The following GALNT17 variants were observed in gnomAD, a reference collection of about 807,000 sequenced individuals.
GALNT17 encodes the protein UDP-GalNAc:polypeptide N-acetylgalactosaminyltransferase-like 3.
A neutral mutation model predicts 63.7 loss-of-function variants in GALNT17; 29 were observed. The observed-to-expected ratio is 0.46, with a 90% CI of 0.34 to 0.62. The LOEUF (loss-of-function observed/expected upper bound fraction) is 0.62. GALNT17 is among the 20% of genes least tolerant of loss of function. The pLI is 0.01. For missense variants in GALNT17, 603 were observed against 799.6 expected (o/e 0.75, Z 2.97); for synonymous variants, 305 against 318.3 (o/e 0.96, Z 0.45).
chr7:71,229,445 G>A (rs1242749306), intron 1 of GALNT17, among the ~76,000 whole-genome samples: 5 of 152,168 alleles, frequency 3.3e-5, no homozygotes, highest in East Asian at 1.9e-4. Flanking sequence ...TGGCTCTTTC[G>A]TCAGCCTCAG....
chr7:71,494,065 T>C (rs1385964307), intron 5 of GALNT17, among the ~76,000 whole-genome samples: 5 of 152,132 alleles, frequency 3.3e-5, no homozygotes, highest in African/African-American at 1.2e-4. Context: ...AGAGGTTTAA[T>C]TGACTCACAG....
intron 2 of GALNT17, among the ~76,000 whole-genome samples, chr7:71,365,077 T>C (rs2707422): frequency 0.17 from 26,517 of 151,648 alleles, 3,748 homozygotes; most frequent in African/African-American, 0.4. Flanking sequence ...ATTACAGGCC[T>C]GTGCAACACC....
chr7:71,345,832 T>C (rs1340154123), intron 2 of GALNT17, among the ~76,000 whole-genome samples: 1 of 151,882 alleles, frequency 6.6e-6, no homozygotes, highest in Non-Finnish European at 1.5e-5. Flanking sequence ...CCTCTAACAA[T>C]AGATACCCTG....
chr7:71,418,445 C>T (rs144086114), intron 4 of GALNT17, among the ~76,000 whole-genome samples: 5 of 152,312 alleles, frequency 3.3e-5, no homozygotes, highest in South Asian at 2.1e-4. Context: ...CTGCATGGCA[C>T]GTCAGCTGCG....
At chr7:71,264,515 G>A (rs75002295) in intron 1 of GALNT17, among the ~76,000 whole-genome samples, 1,717 of 152,156 alleles carry the variant, frequency 0.011, 16 homozygotes, top group Non-Finnish European at 0.017. Context: ...TGTGTCAGAG[G>A]GATACCTGCA....
At chr7:71,679,485 CTGT>C in intron 9 of GALNT17, among the ~76,000 whole-genome samples, 1 of 152,290 alleles carries the variant, frequency 6.6e-6, no homozygotes, top group Middle Eastern at 3.4e-3. Flanking sequence ...CTAGGCACCA[CTGT>C]AACACAGGCA....
At chr7:71,354,011 A>C (rs901689173) in intron 2 of GALNT17, among the ~76,000 whole-genome samples, 41 of 150,168 alleles carry the variant, frequency 2.7e-4, no homozygotes, top group Admixed American at 1.5e-3. Context: ...AGCAGGATCA[A>C]GAGAGAGAGA....
At chr7:71,394,124 C>A (rs1030154631) in intron 3 of GALNT17, among the ~76,000 whole-genome samples, 2 of 152,092 alleles carry the variant, frequency 1.3e-5, no homozygotes, top group Non-Finnish European at 2.9e-5. Flanking sequence ...GTAGACTGTA[C>A]AAGAAGCATG....
chr7:71,283,081 G>T (rs1273118579), intron 1 of GALNT17, among the ~76,000 whole-genome samples: 7 of 151,982 alleles, frequency 4.6e-5, no homozygotes, highest in African/African-American at 1.7e-4. Context: ...ACCCATGCAG[G>T]AGTGCCATGG....
intron 6 of GALNT17, among the ~76,000 whole-genome samples, chr7:71,591,703 C>G (rs1789804465): frequency 6.6e-6 from 1 of 152,076 alleles, no homozygotes; most frequent in Non-Finnish European, 1.5e-5. Flanking sequence ...TGCTCTGTTA[C>G]CCAGGCTGGA....
intron 1 of GALNT17, among the ~76,000 whole-genome samples, chr7:71,253,733 G>T (rs762969941): frequency 6.6e-6 from 1 of 152,044 alleles, no homozygotes; most frequent in Non-Finnish European, 1.5e-5. Flanking sequence ...ATAGGTACAG[G>T]TAAGAATTTC....
intron 1 of GALNT17, among the ~76,000 whole-genome samples, chr7:71,261,041 G>A (rs994765330): frequency 6.6e-6 from 1 of 152,156 alleles, no homozygotes; most frequent in Non-Finnish European, 1.5e-5. Flanking sequence ...CGCAGTGCAG[G>A]GATTCCCCTA....
At chr7:71,226,290 C>T (rs1789678492) in intron 1 of GALNT17, among the ~76,000 whole-genome samples, 1 of 152,132 alleles carries the variant, frequency 6.6e-6, no homozygotes, top group African/African-American at 2.4e-5. Context: ...GGATATGTCT[C>T]CTACCATCTG....
At chr7:71,162,101 C>T (rs192601979) in intron 1 of GALNT17, among the ~76,000 whole-genome samples, 6,770 of 85,846 alleles carry the variant, frequency 0.079, 356 homozygotes, top group East Asian at 0.28. Flanking sequence ...CCCTCCCTCC[C>T]TTCCTTCCTC....
intron 3 of GALNT17, among the ~76,000 whole-genome samples, chr7:71,411,196 C>T (rs374717680): frequency 6.6e-6 from 1 of 152,190 alleles, no homozygotes; most frequent in African/African-American, 2.4e-5. Flanking sequence ...TCTCAGCTCA[C>T]TGCAACCCCT....
intron 3 of GALNT17, among the ~76,000 whole-genome samples, chr7:71,402,908 C>G (rs945958649): frequency 6.6e-6 from 1 of 152,146 alleles, no homozygotes; most frequent in African/African-American, 2.4e-5. Flanking sequence ...TGGCCAGGCT[C>G]TCTTTATTTG....
At chr7:71,545,749 G>C (rs1439414296) in intron 5 of GALNT17, among the ~76,000 whole-genome samples, 11 of 152,168 alleles carry the variant, frequency 7.2e-5, no homozygotes, top group South Asian at 2.1e-4. Context: ...TGTATTTGCT[G>C]AGTCTTACTT....
chr7:71,606,565 C>T (rs568831615), intron 6 of GALNT17, among the ~76,000 whole-genome samples: 62 of 152,242 alleles, frequency 4.1e-4, no homozygotes, highest in African/African-American at 1.3e-3. Flanking sequence ...GGTTCTTGCA[C>T]GTGGTACCCA....
rs572101581 is a variant in GALNT17, at chr7:71,159,791, G to GT, written c.238+26759dup. ...AGCCTCTGTTTTATTATTATTTTGG[G>GT]TTTTTTTTGAGATGGAGTCTCACTC... On this transcript the variant is annotated intron_variant, in intron 1 of 10. Coordinates refer to ENST00000333538, the MANE Select transcript of GALNT17 (RefSeq NM_022479.3). 1.5e-3 allele frequency among the ~76,000 whole-genome samples: 230 copies of GT among 149,940 alleles called. 2 individuals are homozygous for GT. Among genetic ancestry groups the GT allele is most frequent in the Non-Finnish European group, 2.5e-3 (172 of 67,698 alleles).
Sources: allele counts gnomAD v4.1 joint callset (sites outside exome capture counted in the v4.1 genomes callset), GRCh38; gene constraint gnomAD v4.1.1; transcripts MANE v1.5; gene names NCBI Gene and HGNC (gene_info 2026-07-23, HGNC 2026-07-21).